Variants in ZNF85 observed in about 807,000 individuals in gnomAD.
ZNF85 encodes zinc finger protein 85, also known as zinc finger protein 85 (HPF4, HTF1).
A neutral mutation model predicts 53.9 loss-of-function variants in ZNF85; 50 were observed. The observed-to-expected ratio is 0.93, with a 90% confidence interval of 0.74 to 1.17. The LOEUF (loss-of-function observed/expected upper bound fraction) is 1.17. Ranked by LOEUF, ZNF85 falls within the 50% of genes most tolerant of loss-of-function variation. The probability of loss-of-function intolerance (pLI) is 0.00; values close to 1 mark genes in which losing one functional copy is unlikely to be tolerated. For synonymous variants in ZNF85, 225 were observed against 226.1 expected, an observed-to-expected ratio of 1.00 and a Z score of 0.04; for missense variants, 747 against 688.5, an observed-to-expected ratio of 1.08 and a Z score of -0.95.
intron 1 of ZNF85, among the ~76,000 whole-genome samples, chr19:20,926,193 A>G (rs934496108): frequency 6.6e-6 from 1 of 152,204 alleles, no homozygotes; most frequent in African/African-American, 2.4e-5. Flanking sequence ...ACATAGATTC[A>G]TGAAAACACA....
Position 20,948,934 on chromosome 19 carries a change from T to C in ZNF85, c.420T>C (p.Ala140=). The change falls in exon 4 of 4, where the codon GCT becomes GCC. Residue 140 remains alanine (A), a synonymous_variant. Coordinates refer to ENST00000328178, the MANE Select transcript of ZNF85 (RefSeq NM_003429.5). ...GCNGLNQCLT[A]TQSKIFQCDK... ...ATGGACTTAACCAATGTCTCACAGC[T>C]ACCCAGAGCAAAATATTTCAATGTG... is the stretch of plus-strand genomic sequence containing the variant. 6.2e-7 allele frequency: 1 copy of C among 1,613,684 alleles called. No individual in the cohort carries two copies. The highest frequency in any genetic ancestry group is 1.1e-5 in the South Asian group (1 of 91,022).
At chr19:20,946,434 AT>A in intron 3 of ZNF85, 1 of 336,648 alleles carries the variant, frequency 3.0e-6, no homozygotes, top group South Asian at 2.4e-5. Context: ...GCCTTCTAAT[AT>A]TCTTTTTTTT....
At chr19:20,936,169 G>T (rs112036901) in intron 3 of ZNF85, among the ~76,000 whole-genome samples, 1 of 133,868 alleles carries the variant, frequency 7.5e-6, no homozygotes, top group Non-Finnish European at 1.6e-5. Context: ...TAATTTACTG[G>T]GTGTATTTAT....
chr19:20,925,760 G>A (rs1972866805), intron 1 of ZNF85, among the ~76,000 whole-genome samples: 1 of 151,514 alleles, frequency 6.6e-6, no homozygotes, highest in African/African-American at 2.4e-5. Flanking sequence ...GGCCTGACTT[G>A]ACACATAGGT....
intron 1 of ZNF85, among the ~76,000 whole-genome samples, chr19:20,930,935 G>C (rs568100421): frequency 6.6e-6 from 1 of 152,236 alleles, no homozygotes; most frequent in African/African-American, 2.4e-5. Context: ...ACCACACCCA[G>C]CTAATTTTTT....
chr19:20,949,524 C>A lies in ZNF85; in HGVS notation c.1010C>A (p.Thr337Asn). Reference protein sequence around the residue: ...SNLTTHKIIHTGEKPYKCKKC... With the variant: ...SNLTTHKIIHNGEKPYKCKKC... ...CTTACTACACATAAGATAATTCATACTGGAGAGAAACCCTACAAATGTAAA... is the reference window on the plus strand; with the variant it reads ...CTTACTACACATAAGATAATTCATAATGGAGAGAAACCCTACAAATGTAAA... The change falls in exon 4 of 4, where the codon ACT (threonine) becomes AAT (asparagine). Residue 337 changes from threonine (T) to asparagine (N), a missense_variant. Physicochemically the swap from Thr to Asn is moderately conservative, Grantham distance 65. Coordinates refer to ENST00000328178, the MANE Select transcript of ZNF85 (RefSeq NM_003429.5). 1 of 1,613,404 alleles carries A rather than the reference C, an allele frequency of 6.2e-7. No individual in the cohort carries two copies.
rs540801762 is a variant in ZNF85, at chr19:20,945,993, A to AT, written c.230-2747dup. Among the ~76,000 whole-genome samples, 369 of 148,930 alleles carry AT rather than the reference A, an allele frequency of 2.5e-3. 10 individuals are homozygous for AT. The South Asian group carries it at 0.033, about 13-fold the overall frequency. On this transcript the variant is annotated intron_variant, in intron 3 of 3. Transcript: ENST00000328178. ...TTTATACTTATACCAAGTTGTTTTAATTTTGTAGCTTTGTACTGTGTTTGA... is the reference window on the plus strand; with the variant it reads ...TTTATACTTATACCAAGTTGTTTTAATTTTTGTAGCTTTGTACTGTGTTTGA...
Position 20,949,888 on chromosome 19 carries a change from ATG to A in ZNF85, c.1377_1378del (p.Cys459TrpfsTer5). On this transcript the variant is annotated frameshift_variant, in exon 4 of 4. Coordinates refer to ENST00000328178, the MANE Select transcript of ZNF85 (RefSeq NM_003429.5). LOFTEE classifies it high-confidence loss of function. The part of the protein sequence containing the change: ...TGEKPYECEK[C>X]GKAFNQSSNL... ...GAGAGAAACCCTATGAATGTGAAAA[ATG>A]TGGCAAAGCTTTTAACCAGTCCTCA... 6.2e-7 allele frequency: 1 copy of A among 1,612,922 alleles called. No homozygotes were observed. The highest frequency in any genetic ancestry group is 8.5e-7 in the Non-Finnish European group (1 of 1,179,450).
chr19:20,947,306 A>G (rs538397684), intron 3 of ZNF85, among the ~76,000 whole-genome samples: 1 of 151,632 alleles, frequency 6.6e-6, no homozygotes, highest in Non-Finnish European at 1.5e-5. Flanking sequence ...TTATTTTTCA[A>G]CTTTTAGAGA....
chr19:20,948,421 T>C (rs1379069396), intron 3 of ZNF85, among the ~76,000 whole-genome samples: 2 of 152,100 alleles, frequency 1.3e-5, no homozygotes, highest in African/African-American at 4.8e-5. Context: ...GTTGCCAATT[T>C]ACTTCTAAAG....
chr19:20,923,342 G>A lies in ZNF85; in HGVS notation c.-59G>A. 6.2e-7 allele frequency: 1 copy of A among 1,613,392 alleles called. No homozygotes were observed. Among genetic ancestry groups the A allele is most frequent in the South Asian group, 1.1e-5 (1 of 91,052 alleles). ...GGACGCCCAGCCTCTGTGGCCCTGT[G>A]GCCTGCAGGTATTGGGAGATCCACA... On this transcript the variant is annotated 5_prime_UTR_variant, in exon 1 of 4. Coordinates refer to ENST00000328178, the MANE Select transcript of ZNF85 (RefSeq NM_003429.5).
At chr19:20,934,873 A>T in intron 2 of ZNF85, 76 bp from the exon 3 acceptor site, 1 of 824,946 alleles carries the variant, frequency 1.2e-6, no homozygotes, top group Non-Finnish European at 1.8e-6. Context: ...GGATTAATTT[A>T]CTAGCTAAGC....
chr19:20,924,235 TA>T (rs943357350), intron 1 of ZNF85, among the ~76,000 whole-genome samples: 1 of 152,126 alleles, frequency 6.6e-6, no homozygotes, highest in African/African-American at 2.4e-5. Flanking sequence ...AGGTGCATGA[TA>T]AAAAAATCAA....
At position 20,946,570 on chromosome 19, in the gene ZNF85, G is replaced by GCACA. The variant is rs74172383; in HGVS notation, c.230-2154_230-2151dup. ...GAACCTTAATGTGAGATATACACAT[G>GCACA]CACACACACACACACACACACACCC... On this transcript the variant is annotated intron_variant, in intron 3 of 3. Transcript: ENST00000328178. Among the ~76,000 whole-genome samples, 88 of 145,158 alleles carry GCACA rather than the reference G, an allele frequency of 6.1e-4. 1 individual carries two copies. Among genetic ancestry groups the GCACA allele is most frequent in the African/African-American group, 1.7e-3 (68 of 39,952 alleles).
At chr19:20,935,353 A>T (rs554175315) in intron 3 of ZNF85, among the ~76,000 whole-genome samples, 2 of 152,328 alleles carry the variant, frequency 1.3e-5, no homozygotes, top group Admixed American at 1.3e-4. Flanking sequence ...TTTGGGGGAC[A>T]CACAAATATC....
intron 1 of ZNF85, among the ~76,000 whole-genome samples, chr19:20,933,617 AAT>A (rs1973079447): frequency 6.6e-6 from 1 of 152,192 alleles, no homozygotes; most frequent in Non-Finnish European, 1.5e-5. Flanking sequence ...TACACATTAA[AAT>A]TTAAAAAGTA....
chr19:20,944,160 T>C (rs974132822), intron 3 of ZNF85: 2 of 156,920 alleles, frequency 1.3e-5, no homozygotes, highest in African/African-American at 4.8e-5. Context: ...AATAGTTTTT[T>C]ATTTATATAT....
chr19:20,939,413 G>C (rs112294727), intron 3 of ZNF85, among the ~76,000 whole-genome samples: 1,806 of 151,688 alleles, frequency 0.012, 33 homozygotes, highest in African/African-American at 0.034. Context: ...CACCAGCACG[G>C]CTGGCTAATT....
At chr19:20,936,552 A>G (rs1041358300) in intron 3 of ZNF85, 1 of 152,806 alleles carries the variant, frequency 6.5e-6, no homozygotes, top group African/African-American at 2.4e-5. Flanking sequence ...ATTGGCTACA[A>G]CAGGACCTCA....
Sources: allele counts gnomAD v4.1 joint callset (sites outside exome capture counted in the v4.1 genomes callset), GRCh38; gene constraint gnomAD v4.1.1; transcripts MANE v1.5; gene names NCBI Gene and HGNC (gene_info 2026-07-23, HGNC 2026-07-21).